The following CDH13 variants were observed in gnomAD, a reference collection of about 807,000 sequenced individuals.
The protein encoded by CDH13 is cadherin 13, also known as cadherin-13.
Under a neutral mutation model 63.8 loss-of-function variants are expected in CDH13, and 24 were observed. That is an observed-to-expected ratio of 0.38 (90% CI 0.27 to 0.53). CDH13 has a LOEUF of 0.53. CDH13 is among the 20% of genes least tolerant of loss of function. The probability of loss-of-function intolerance (pLI) is 0.85; values close to 1 mark genes in which losing one functional copy is unlikely to be tolerated. For missense variants in CDH13, 1,049 were observed against 903.1 expected (o/e 1.16, Z -2.07); for synonymous variants, 503 against 355.3 (o/e 1.42, Z -4.67).
chr16:82,901,073 ATT>A (rs35002469), intron 2 of CDH13, among the ~76,000 whole-genome samples: 39,343 of 144,592 alleles, frequency 0.27, 6,448 homozygotes, highest in East Asian at 0.75. Context: ...ATGTATATTG[ATT>A]TTTTTTTTTT....
chr16:82,947,541 CTTAA>C (rs146296442), intron 2 of CDH13, among the ~76,000 whole-genome samples: 1,659 of 151,868 alleles, frequency 0.011, 32 homozygotes, highest in African/African-American at 0.039. Context: ...ACACATCTGC[CTTAA>C]TTAATAAGAA....
intron 2 of CDH13, among the ~76,000 whole-genome samples, chr16:83,009,812 G>A (rs564429928): frequency 6.6e-6 from 1 of 152,182 alleles, no homozygotes; most frequent in Non-Finnish European, 1.5e-5. Context: ...AATACAGACT[G>A]CTGGGCTCTA....
intron 2 of CDH13, among the ~76,000 whole-genome samples, chr16:82,885,640 T>A (rs1224909910): frequency 6.6e-6 from 1 of 152,182 alleles, no homozygotes; most frequent in Middle Eastern, 3.2e-3. Context: ...TTCTTTAATC[T>A]ATCCATCCAT....
At chr16:82,945,282 T>G (rs761761456) in intron 2 of CDH13, among the ~76,000 whole-genome samples, 8 of 152,138 alleles carry the variant, frequency 5.3e-5, no homozygotes, top group Admixed American at 2.0e-4. Flanking sequence ...TGGAAACAAA[T>G]GGGTGTGACT....
intron 5 of CDH13, among the ~76,000 whole-genome samples, chr16:83,306,568 G>A (rs1039853909): frequency 2.6e-5 from 4 of 152,124 alleles, no homozygotes; most frequent in Admixed American, 2.6e-4. Context: ...AGAAGTCAGC[G>A]CCGAATCCTT....
At chr16:82,717,266 C>T (rs2032437341) in intron 1 of CDH13, among the ~76,000 whole-genome samples, 1 of 152,082 alleles carries the variant, frequency 6.6e-6, no homozygotes, top group East Asian at 1.9e-4. Context: ...GAAATCCCAT[C>T]TCTACTAAAA....
At chr16:83,570,902 T>G (rs539259577) in intron 7 of CDH13, among the ~76,000 whole-genome samples, 21 of 131,368 alleles carry the variant, frequency 1.6e-4, no homozygotes, top group African/African-American at 5.3e-4. Context: ...CTGTATAATT[T>G]TTATATAAAT....
At chr16:83,142,388 C>T (rs972051841) in intron 4 of CDH13, among the ~76,000 whole-genome samples, 1 of 152,092 alleles carries the variant, frequency 6.6e-6, no homozygotes, top group Non-Finnish European at 1.5e-5. Flanking sequence ...TCTCGAATTT[C>T]TGTCCTCAGG....
chr16:83,300,525 C>T (rs1339068470), intron 5 of CDH13, among the ~76,000 whole-genome samples: 1 of 152,184 alleles, frequency 6.6e-6, no homozygotes, highest in Non-Finnish European at 1.5e-5. Flanking sequence ...CATCTTTCTG[C>T]CAGTTCATGT....
intron 5 of CDH13, among the ~76,000 whole-genome samples, chr16:83,289,102 A>G (rs185506015): frequency 1.3e-5 from 2 of 152,220 alleles, no homozygotes; most frequent in African/African-American, 2.4e-5. Flanking sequence ...ATCATGGGCT[A>G]TTGCTTGCTC....
chr16:83,766,086 G>A (rs1007230838), intron 11 of CDH13, among the ~76,000 whole-genome samples: 1 of 152,136 alleles, frequency 6.6e-6, no homozygotes, highest in Non-Finnish European at 1.5e-5. Context: ...CTCCCAGAAT[G>A]TGGGCCTCAG....
At chr16:82,661,095 C>G (rs1012560423) in intron 1 of CDH13, among the ~76,000 whole-genome samples, 7 of 152,258 alleles carry the variant, frequency 4.6e-5, no homozygotes, top group African/African-American at 1.7e-4. Context: ...GCCCAGGGGC[C>G]GGTGTGATGT....
chr16:83,182,054 G>A (rs1488192174), intron 4 of CDH13, among the ~76,000 whole-genome samples: 2 of 152,190 alleles, frequency 1.3e-5, no homozygotes, highest in Admixed American at 6.5e-5. Context: ...CATAGGAAAA[G>A]TGTGCATTGT....
chr16:83,286,398 G>T (rs185918780), intron 5 of CDH13, among the ~76,000 whole-genome samples: 361 of 152,214 alleles, frequency 2.4e-3, no homozygotes, highest in Non-Finnish European at 3.8e-3. Context: ...AATTTAAAAG[G>T]CATGCTCCCT....
chr16:82,731,242 T>G (rs1033789691), intron 1 of CDH13, among the ~76,000 whole-genome samples: 3 of 152,214 alleles, frequency 2.0e-5, no homozygotes, highest in African/African-American at 7.2e-5. Context: ...CCGAACCCTC[T>G]GTTGCAATTA....
chr16:83,285,505 T>A (rs988274182), intron 5 of CDH13, among the ~76,000 whole-genome samples: 1 of 151,448 alleles, frequency 6.6e-6, no homozygotes, highest in Non-Finnish European at 1.5e-5. Context: ...TGGAAAATAT[T>A]CAGGGAAAAA....
intron 6 of CDH13, among the ~76,000 whole-genome samples, chr16:83,427,727 T>C (rs1325434110): frequency 6.6e-6 from 1 of 152,180 alleles, no homozygotes; most frequent in Non-Finnish European, 1.5e-5. Flanking sequence ...TAAGCACCTC[T>C]GCACTTATGG....
intron 2 of CDH13, among the ~76,000 whole-genome samples, chr16:82,968,526 C>T (rs934468425): frequency 1.3e-5 from 2 of 152,156 alleles, no homozygotes; most frequent in Non-Finnish European, 2.9e-5. Flanking sequence ...AAACTGAAAT[C>T]TTTCCTGAAC....
At chr16:82,844,681 C>G (rs1375879190) in intron 1 of CDH13, 1 of 143,898 alleles carries the variant, frequency 6.9e-6, no homozygotes, top group Admixed American at 7.0e-5. Flanking sequence ...GCTCTGTCAC[C>G]CAGGCTGGAG....
Sources: gnomAD v4.1 joint callset for allele counts (sites outside exome capture counted in the v4.1 genomes callset) on GRCh38, gnomAD v4.1.1 for gene constraint, MANE v1.5 for transcripts, NCBI Gene and HGNC (gene_info 2026-07-23, HGNC 2026-07-21) for gene names.